The following GBE1 variants were observed in gnomAD, a reference collection of about 807,000 sequenced individuals.
GBE1 encodes 1,4-alpha-glucan branching enzyme 1, also known as 1,4-alpha-glucan-branching enzyme.
Under a neutral mutation model 88.8 loss-of-function variants are expected in GBE1, and 70 were observed. The observed-to-expected ratio is 0.79, with a 90% confidence interval of 0.65 to 0.96. The LOEUF (loss-of-function observed/expected upper bound fraction) is 0.96, where lower values mean the gene tolerates loss of function less well. GBE1 is among the 40% of genes least tolerant of loss of function. The pLI is 0.00. For synonymous variants in GBE1, 284 were observed against 300.1 expected, an observed-to-expected ratio of 0.95 and a Z score of 0.56; for missense variants, 872 against 871.0, an observed-to-expected ratio of 1.00 and a Z score of -0.01.
chr3:81,572,673 G>A (rs1407256069), intron 12 of GBE1, among the ~76,000 whole-genome samples: 1 of 152,004 alleles, frequency 6.6e-6, no homozygotes, highest in Non-Finnish European at 1.5e-5. Context: ...ATCTGTACAT[G>A]TTTATATATT....
At chr3:81,661,312 C>G (rs1002890123) in intron 3 of GBE1, among the ~76,000 whole-genome samples, 5 of 151,988 alleles carry the variant, frequency 3.3e-5, no homozygotes, top group Admixed American at 2.0e-4. Flanking sequence ...TCTATGGAAT[C>G]AATGTTTACA....
At chr3:81,497,566 C>T (rs1473842145) in intron 15 of GBE1, among the ~76,000 whole-genome samples, 1 of 152,136 alleles carries the variant, frequency 6.6e-6, no homozygotes, top group Non-Finnish European at 1.5e-5. Flanking sequence ...AGACAAGGGT[C>T]AGGATTCCAG....
intron 1 of GBE1, among the ~76,000 whole-genome samples, chr3:81,716,547 C>A (rs1480038487): frequency 6.6e-6 from 1 of 152,036 alleles, no homozygotes; most frequent in Non-Finnish European, 1.5e-5. Flanking sequence ...AAAAACTGGA[C>A]AAAGCCCATT....
At chr3:81,570,241 T>A (rs1441875264) in intron 12 of GBE1, among the ~76,000 whole-genome samples, 3 of 152,244 alleles carry the variant, frequency 2.0e-5, no homozygotes, top group African/African-American at 7.2e-5. Context: ...GAAAAAAAAA[T>A]TCTTAAAGGC....
Position 81,648,881 on chromosome 3 carries a change from A to G in GBE1, c.666T>C (p.Asn222=), listed in dbSNP as rs750774794. Residue 222 remains asparagine, a synonymous_variant, in exon 5 of 16, where the codon AAT becomes AAC. Transcript: ENST00000429644. ...CAAGGCCTTTGATTCTTGGTAGTAC[A>G]TTGCATGTAAAATGTTTATAAGAAG... is the stretch of plus-strand genomic sequence containing the variant. ...KVASYKHFTC[N]VLPRIKGLGY... is the part of the protein sequence containing the mutation. The G allele has an allele frequency of 6.3e-7, 1 of 1,575,388 alleles. No homozygotes were observed. The highest frequency in any genetic ancestry group is 2.3e-5 in the East Asian group (1 of 43,938).
At chr3:81,515,250 GT>G (rs2106836839) in intron 14 of GBE1, among the ~76,000 whole-genome samples, 1 of 151,272 alleles carries the variant, frequency 6.6e-6, no homozygotes, top group East Asian at 1.9e-4. Flanking sequence ...TCACATTTTG[GT>G]AGTTCTTGCA....
At position 81,514,303 on chromosome 3, in the gene GBE1, A is replaced by G. The variant is rs182168083; in HGVS notation, c.1935-15076T>C. Among the ~76,000 whole-genome samples the G allele has an allele frequency of 5.9e-5, 9 of 151,790 alleles. No homozygotes were observed. In the East Asian group the frequency reaches 1.7e-3, roughly 29 times the overall value. Reference sequence around the variant, plus strand: ...TTTTAATTAATGTTCTTGAAATAAAATGATCATTGTGTGACAATAAAACGT... The same window carrying G: ...TTTTAATTAATGTTCTTGAAATAAAGTGATCATTGTGTGACAATAAAACGT... On this transcript the variant is annotated intron_variant, in intron 14 of 15. Transcript: ENST00000429644.
intron 12 of GBE1, among the ~76,000 whole-genome samples, chr3:81,540,270 C>A (rs984445608): frequency 7.2e-5 from 11 of 151,972 alleles, no homozygotes; most frequent in African/African-American, 1.4e-4. Context: ...AAAATGTTCA[C>A]CCCTACCCTC....
chr3:81,652,571 C>T (rs1288407466), intron 3 of GBE1, among the ~76,000 whole-genome samples: 1 of 152,180 alleles, frequency 6.6e-6, no homozygotes, highest in Non-Finnish European at 1.5e-5. Context: ...GAGAGCAAAG[C>T]TTTCTACCAA....
intron 14 of GBE1, among the ~76,000 whole-genome samples, chr3:81,517,811 C>A (rs146765375): frequency 6.6e-6 from 1 of 151,148 alleles, no homozygotes; most frequent in African/African-American, 2.4e-5. Flanking sequence ...TAATTTTAAA[C>A]CTTCAGGAGT....
chr3:81,749,275 G>A (rs1422667970), intron 1 of GBE1, among the ~76,000 whole-genome samples: 1 of 151,102 alleles, frequency 6.6e-6, no homozygotes, highest in African/African-American at 2.4e-5. Context: ...TGACAAAAAG[G>A]AACAAACTAT....
intron 7 of GBE1, among the ~76,000 whole-genome samples, chr3:81,609,780 T>C (rs773657072): frequency 1.3e-5 from 2 of 152,136 alleles, no homozygotes; most frequent in Non-Finnish European, 2.9e-5. Context: ...TTGCTAATGG[T>C]CAAACCTACT....
chr3:81,742,531 G>T (rs1429862839), intron 1 of GBE1, among the ~76,000 whole-genome samples: 1 of 152,072 alleles, frequency 6.6e-6, no homozygotes, highest in Non-Finnish European at 1.5e-5. Context: ...AGAAGGCATA[G>T]GCGCCCCATC....
chr3:81,490,536 A>C (rs531390668), intron 15 of GBE1, 73 bp from the exon 16 acceptor site: 1 of 1,194,724 alleles, frequency 8.4e-7, no homozygotes, highest in East Asian at 2.4e-5. Flanking sequence ...AAAGAAACAT[A>C]GGCATGACGC....
At chr3:81,609,959 G>A (rs1313778057) in intron 7 of GBE1, among the ~76,000 whole-genome samples, 2 of 151,998 alleles carry the variant, frequency 1.3e-5, no homozygotes, top group Non-Finnish European at 2.9e-5. Context: ...AGGGATAAAT[G>A]AGGAAAAAAG....
intron 2 of GBE1, among the ~76,000 whole-genome samples, chr3:81,693,767 T>C (rs761990789): frequency 3.3e-5 from 5 of 152,046 alleles, no homozygotes; most frequent in Non-Finnish European, 5.9e-5. Flanking sequence ...ACCACCTATA[T>C]ATATCATATA....
chr3:81,578,802 A>G (rs1205716585), intron 11 of GBE1, among the ~76,000 whole-genome samples: 1 of 152,026 alleles, frequency 6.6e-6, no homozygotes. Context: ...AGTGTTCATC[A>G]TGGACAAAAC....
chr3:81,592,272 T>C (rs1020506081), intron 8 of GBE1, among the ~76,000 whole-genome samples: 13 of 152,106 alleles, frequency 8.5e-5, no homozygotes, highest in African/African-American at 3.1e-4. Flanking sequence ...AGTGCGCCCT[T>C]TGACCAACAT....
intron 1 of GBE1, among the ~76,000 whole-genome samples, chr3:81,729,679 T>A (rs1016222219): frequency 6.6e-6 from 1 of 152,082 alleles, no homozygotes; most frequent in Non-Finnish European, 1.5e-5. Context: ...CTCTTAGACA[T>A]CAGATGAACA....
Sources: allele counts gnomAD v4.1 joint callset (sites outside exome capture counted in the v4.1 genomes callset), GRCh38; gene constraint gnomAD v4.1.1; transcripts MANE v1.5; gene names NCBI Gene and HGNC (gene_info 2026-07-23, HGNC 2026-07-21).